The following ATG2B variants were observed in gnomAD, a reference collection of about 807,000 sequenced individuals.
ATG2B encodes autophagy related 2B.
ATG2B carries 121 observed loss-of-function variants against 241.3 expected under a neutral mutation model. The observed-to-expected ratio is 0.50, with a 90% CI of 0.43 to 0.58. The LOEUF (loss-of-function observed/expected upper bound fraction) is 0.58, where lower values mean the gene tolerates loss of function less well. Ranked by LOEUF, ATG2B falls within the 20% of genes least tolerant of loss-of-function variation. ATG2B has a pLI of 0.00. For synonymous variants in ATG2B, 858 were observed against 876.6 expected, an observed-to-expected ratio of 0.98 and a Z score of 0.37; for missense variants, 2,306 against 2,491.6, an observed-to-expected ratio of 0.93 and a Z score of 1.59.
chr14:96,331,471 A>G lies in ATG2B; in HGVS notation c.1635T>C (p.Thr545=). The G allele has an allele frequency of 6.2e-7, 1 of 1,614,040 alleles. No homozygotes were observed. Among genetic ancestry groups the G allele is most frequent in the Middle Eastern group, 1.7e-4 (1 of 6,060 alleles). Residue 545 remains threonine, a synonymous_variant, in exon 11 of 42, where the codon ACT becomes ACC. Coordinates refer to ENST00000359933, the MANE Select transcript of ATG2B (RefSeq NM_018036.7). ...PLTPMAVAFF[T]CIEKIDPARF... is the part of the protein sequence containing the mutation. ...TTGCTGGATCAATCTTTTCTATACA[A>G]GTAAAGAAAGCTACTGCCATAGGTG...
rs1224236026 is a variant in ATG2B, at chr14:96,340,072, GAT to G, written c.924+1448_924+1449del. ...ATATATATGAATATATGCTATATGT[GAT>G]ATGATATATATGAATATATGCTATA... On this transcript the variant is annotated intron_variant, in intron 6 of 41. Transcript: ENST00000359933. 8.3e-5 allele frequency among the ~76,000 whole-genome samples: 7 copies of G among 84,662 alleles called. No individual in the cohort carries two copies. In the Admixed American group the frequency reaches 8.5e-4, roughly 10 times the overall value. The allele number at this position is 84,662 out of a possible 152,430, so 55.5% of individuals were successfully genotyped here. A position where few individuals can be genotyped will look rare whatever the true frequency, so the allele number is the denominator to read the frequency against.
In ATG2B at chr14:96,290,909, G is replaced by A. The variant is rs968646865; in HGVS notation, c.5606C>T (p.Ser1869Leu). The change falls in exon 39 of 42, where the codon TCA becomes TTA. Residue 1869 changes from serine to leucine, a missense_variant. This residue lies in a region of ATG2B where 379 missense variants were observed against 480.4 expected (regional missense o/e 0.79). Coordinates refer to ENST00000359933, the MANE Select transcript of ATG2B (RefSeq NM_018036.7). This position sits in a 1 kb window ranked among gnomAD's most constrained non-coding sequence, Gnocchi z 4.4. ...HGLLGVDKLF[S>L]YAITEWLNDI... is the part of the protein sequence containing the mutation. ...ATTAAGCCACTCAGTGATTGCATAT[G>A]AGAATAATTTGTCAACGCCTAGTAA... 1.2e-6 allele frequency: 2 copies of A among 1,612,204 alleles called. No individual in the cohort carries two copies. The highest frequency in any genetic ancestry group is 1.7e-5 in the Admixed American group (1 of 59,710).
In ATG2B at chr14:96,328,337, G is replaced by A. The variant is rs1228304186; in HGVS notation, c.2163+10C>T. 6.3e-7 allele frequency: 1 copy of A among 1,577,642 alleles called. No homozygotes were observed. Among genetic ancestry groups the A allele is most frequent in the Admixed American group, 1.8e-5 (1 of 55,514 alleles). Reference sequence around the variant, plus strand: ...ATTATGATTAGTATTTGCAGCTTTTGAATACTTACCAGACTAATATGTTTA... The same window carrying A: ...ATTATGATTAGTATTTGCAGCTTTTAAATACTTACCAGACTAATATGTTTA... On this transcript the variant is annotated intron_variant, in intron 14 of 41. Coordinates refer to ENST00000359933, the MANE Select transcript of ATG2B (RefSeq NM_018036.7).
Position 96,290,237 on chromosome 14 carries a change from C to A in ATG2B, c.5856+199G>T. On this transcript the variant is annotated intron_variant, in intron 40 of 41. Transcript: ENST00000359933. This position sits in a 1 kb window ranked among gnomAD's most constrained non-coding sequence, Gnocchi z 4.4. ...ACCTGAAATAGGCAAACAAATCTGA[C>A]ACTGTATTCCACTGCTTTATTCTAA... 8.2e-7 allele frequency: 1 copy of A among 1,213,074 alleles called. No homozygotes were observed. Among genetic ancestry groups the A allele is most frequent in the Non-Finnish European group, 1.1e-6 (1 of 932,128 alleles). The allele number at this position is 1,213,074 out of a possible 1,614,324, so 75.1% of individuals were successfully genotyped here.
At position 96,284,128 on chromosome 14, in the gene ATG2B, A is replaced by G. The variant is rs1438748631; in HGVS notation, c.*1627T>C. 6.6e-6 allele frequency: 1 copy of G among 152,148 alleles called. No individual in the cohort carries two copies. The highest frequency in any genetic ancestry group is 6.5e-5 in the Admixed American group (1 of 15,278). 9.4% of individuals were successfully genotyped at this position (152,148 alleles called of 1,614,324 possible). A position where few individuals can be genotyped will look rare whatever the true frequency, so the allele number is the denominator to read the frequency against. On this transcript the variant is annotated 3_prime_UTR_variant, in exon 42 of 42. Transcript: ENST00000359933. ...CAAGTTTCCTTAAGGGCAAATGGAA[A>G]ATGCTGGCATCTGAGCGGGGTGGTC...
At chr14:96,358,193 G>T (rs979493140) in intron 1 of ATG2B, among the ~76,000 whole-genome samples, 1 of 152,100 alleles carries the variant, frequency 6.6e-6, no homozygotes, top group Non-Finnish European at 1.5e-5. Flanking sequence ...CCAGAAACTG[G>T]GGGGGGCTGA....
chr14:96,352,774 T>A (rs1888364027), intron 1 of ATG2B, among the ~76,000 whole-genome samples: 1 of 151,880 alleles, frequency 6.6e-6, no homozygotes, highest in Admixed American at 6.6e-5. Context: ...TACTGTAACC[T>A]CAGGTTAACT....
In ATG2B at chr14:96,311,624, AT is replaced by A; in HGVS notation, c.3914-7del. 1.3e-6 allele frequency: 2 copies of A among 1,597,316 alleles called. No individual in the cohort carries two copies. The highest frequency in any genetic ancestry group is 2.2e-5 in the South Asian group (2 of 89,166). ...ATCCATCACACGAACATAATCTAAAATTTTTAAAATTAAGAAAATCTCTTCA... is the reference window on the plus strand; with the variant it reads ...ATCCATCACACGAACATAATCTAAAATTTTAAAATTAAGAAAATCTCTTCA... On this transcript the variant is annotated splice_polypyrimidine_tract_variant and splice_region_variant and intron_variant, in intron 26 of 41. Transcript: ENST00000359933.
At chr14:96,343,031 T>C in intron 5 of ATG2B, 88 bp downstream of exon 5, 1 of 952,378 alleles carries the variant, frequency 1.0e-6, no homozygotes, top group Non-Finnish European at 1.5e-6. Context: ...TTAAGACATA[T>C]TATACATCCT....
chr14:96,291,550 C>T (rs761853188), intron 38 of ATG2B, 50 bp downstream of exon 38: 73 of 1,383,072 alleles, frequency 5.3e-5, no homozygotes, highest in Admixed American at 3.8e-5. Context: ...ATTTGTTGTA[C>T]ACTAACTTTG....
Position 96,313,370 on chromosome 14 carries a change from T to C in ATG2B, c.3708A>G (p.Thr1236=), listed in dbSNP as rs534545756. 6.3e-7 allele frequency: 1 copy of C among 1,599,484 alleles called. No homozygotes were observed. The highest frequency in any genetic ancestry group is 1.8e-5 in the Admixed American group (1 of 56,028). Residue 1236 remains threonine (T), a synonymous_variant, in exon 24 of 42, where the codon ACA becomes ACG. Coordinates refer to ENST00000359933, the MANE Select transcript of ATG2B (RefSeq NM_018036.7). ...VLGYNPPTSF[T]TFHVHLWSCA... is the part of the protein sequence containing the mutation. ...AGCTCCAAAGATGAACATGAAAAGT[T>C]GTAAATGAAGTTGGAGGATTATATC...
chr14:96,341,500 A>C (rs780478750), intron 6 of ATG2B, 22 bp downstream of exon 6: 2 of 1,541,038 alleles, frequency 1.3e-6, no homozygotes, highest in African/African-American at 2.8e-5. Flanking sequence ...GTTTTACTAC[A>C]GAAAGTGAAA....
Position 96,292,043 on chromosome 14 carries a change from C to T in ATG2B, c.5482G>A (p.Val1828Ile). 1 of 1,596,648 alleles carries T rather than the reference C, an allele frequency of 6.3e-7. No homozygotes were observed. The highest frequency in any genetic ancestry group is 8.5e-7 in the Non-Finnish European group (1 of 1,171,040). ...AGTTTCCCAACCTGATCCATTGATA[C>T]ATGTTTGCCATGATAATCAAGTCGA... is the stretch of plus-strand genomic sequence containing the variant. ...PIRLDYHGKH[V>I]SMDQGTLAGI... The change falls in exon 37 of 42, where the codon GTA becomes ATA. Residue 1828 changes from valine to isoleucine, a missense_variant. Physicochemically the swap from Val to Ile is conservative, Grantham distance 29. Around this residue, in one of 2 missense-constraint regions of ATG2B, gnomAD observed 379 missense variants for 480.4 expected, o/e 0.79. Transcript: ENST00000359933.
At chr14:96,286,054 T>C (rs949048946) in intron 41 of ATG2B, 69 bp from the exon 42 acceptor site, 1 of 1,197,076 alleles carries the variant, frequency 8.4e-7, no homozygotes, top group Non-Finnish European at 1.2e-6. Context: ...CTCTCTAAGC[T>C]ATCCTGCAGT....
rs1886842915 is a variant in ATG2B at position 96,303,193 on chromosome 14, T to C, written c.4905A>G (p.Glu1635=). The C allele has an allele frequency of 6.2e-7, 1 of 1,611,916 alleles. No homozygotes were observed. Among genetic ancestry groups the C allele is most frequent in the East Asian group, 2.2e-5 (1 of 44,774 alleles). Residue 1635 remains glutamate (E), a synonymous_variant, in exon 33 of 42, where the codon GAA becomes GAG. Transcript: ENST00000359933. ...TGAACACCTGCCGGGAGACTGGGTG[T>C]TCTGAGAGGCTGGAATCACAATCAG... ...CKPDCDSSLS[E]HPVSRQVFIV...
At position 96,331,858 on chromosome 14, in the gene ATG2B, T is replaced by C. The variant is rs1279780972; in HGVS notation, c.1469-221A>G. The stretch of plus-strand genomic sequence containing the variant: ...CAAGAGTACGTGACAACAGTAAATG[T>C]ACAAACCAAGCTTTTATATTAATAA... On this transcript the variant is annotated intron_variant, in intron 10 of 41. Transcript: ENST00000359933. Among the ~76,000 whole-genome samples the C allele has an allele frequency of 7.9e-5, 12 of 152,286 alleles. No individual in the cohort carries two copies. The East Asian group carries it at 1.9e-3, about 24-fold the overall frequency.
Position 96,289,802 on chromosome 14 carries a change from C to T in ATG2B, c.5860G>A (p.Ala1954Thr), listed in dbSNP as rs768504093. Residue 1954 changes from alanine to threonine, a missense_variant, in exon 41 of 42, where the codon GCT becomes ACT. Physicochemically the swap from Ala to Thr is moderately conservative, Grantham distance 58 (BLOSUM62 0). Coordinates refer to ENST00000359933, the MANE Select transcript of ATG2B (RefSeq NM_018036.7). The surrounding 1 kb of genome is among the most constrained non-coding windows in gnomAD (Gnocchi z 4.3). ...ACCATATCATAAGCAGTCTCTGCAG[C>T]TGCCTGGATCATTTTGTCAAAAGGA... Reference protein sequence around the residue: ...TNRMVQTIQAAAETAYDMVSP... With the variant: ...TNRMVQTIQATAETAYDMVSP... 1.2e-6 allele frequency: 2 copies of T among 1,613,866 alleles called. No individual in the cohort carries two copies. Among genetic ancestry groups the T allele is most frequent in the South Asian group, 2.2e-5 (2 of 91,036 alleles).
In ATG2B at chr14:96,281,389, A is replaced by C. The variant is rs925634425; in HGVS notation, c.*4366T>G. 1.3e-5 allele frequency: 2 copies of C among 152,256 alleles called. No individual in the cohort carries two copies. The highest frequency in any genetic ancestry group is 2.9e-5 in the Non-Finnish European group (2 of 68,040). The allele number at this position is 152,256 out of a possible 1,614,324, so 9.4% of individuals were successfully genotyped here. On this transcript the variant is annotated 3_prime_UTR_variant, in exon 42 of 42. Transcript: ENST00000359933. ...ATCAGTATTCTTATTCACATCCATAATTGCCATAATTAGGAAAAATTAGGA... is the reference window on the plus strand; with the variant it reads ...ATCAGTATTCTTATTCACATCCATACTTGCCATAATTAGGAAAAATTAGGA...
intron 1 of ATG2B, among the ~76,000 whole-genome samples, chr14:96,347,753 G>A (rs1486473256): frequency 6.6e-6 from 1 of 152,200 alleles, no homozygotes; most frequent in African/African-American, 2.4e-5. Flanking sequence ...ACTGACCATC[G>A]GAGAAACACA....
Sources: gnomAD v4.1 joint callset for allele counts (sites outside exome capture counted in the v4.1 genomes callset) on GRCh38, gnomAD v4.1.1 for gene constraint, gnomAD v4.1.1 regional missense constraint, Gnocchi (gnomAD v3.1) non-coding constraint, MANE v1.5 for transcripts, NCBI Gene and HGNC (gene_info 2026-07-23, HGNC 2026-07-21) for gene names.